POLR3B: variants seen among roughly 807,000 people sequenced by gnomAD.
POLR3B encodes DNA-directed RNA polymerase III subunit RPC2.
In POLR3B, 96 loss-of-function variants were observed where a neutral mutation model predicts 147.4. The ratio of observed to expected loss-of-function variants is 0.65; its 90% CI spans 0.55 to 0.77. The LOEUF (loss-of-function observed/expected upper bound fraction) is 0.77. Ranked by LOEUF, POLR3B falls within the 30% of genes least tolerant of loss-of-function variation. POLR3B has a pLI of 0.00. For missense variants in POLR3B, 1,036 were observed against 1,413.5 expected (o/e 0.73, Z 4.28); for synonymous variants, 461 against 485.9 (o/e 0.95, Z 0.67).
chr12:106,493,827 CT>C (rs2038437861), intron 23 of POLR3B, among the ~76,000 whole-genome samples: 1 of 152,168 alleles, frequency 6.6e-6, no homozygotes, highest in Admixed American at 6.5e-5. Flanking sequence ...TTATCATTCA[CT>C]TTCACACAAA....
chr12:106,388,539 A>T (rs1254190410), intron 9 of POLR3B, among the ~76,000 whole-genome samples: 1 of 152,034 alleles, frequency 6.6e-6, no homozygotes, highest in Admixed American at 6.5e-5. Flanking sequence ...GATGGTCTTG[A>T]TCTCCTGACC....
At chr12:106,449,177 C>G (rs943682216) in intron 19 of POLR3B, among the ~76,000 whole-genome samples, 1 of 152,174 alleles carries the variant, frequency 6.6e-6, no homozygotes, top group African/African-American at 2.4e-5. Context: ...ACACTTTATA[C>G]GCATAGCCTA....
intron 13 of POLR3B, among the ~76,000 whole-genome samples, chr12:106,428,296 T>C (rs899799578): frequency 6.6e-6 from 1 of 152,192 alleles, no homozygotes; most frequent in Admixed American, 6.5e-5. Context: ...AAAAGAGCTA[T>C]TTTGAGTAGT....
intron 27 of POLR3B, among the ~76,000 whole-genome samples, chr12:106,507,259 A>T (rs1466792401): frequency 6.6e-6 from 1 of 152,166 alleles, no homozygotes; most frequent in African/African-American, 2.4e-5. Context: ...TGTTCACGTC[A>T]AGTTTCTACC....
At chr12:106,432,542 T>C (rs2037524835) in intron 15 of POLR3B, 62 bp downstream of exon 15, 7 of 1,315,294 alleles carry the variant, frequency 5.3e-6, no homozygotes, top group Non-Finnish European at 7.7e-6. Flanking sequence ...AGGGAATCCA[T>C]TATTATCCTG....
At chr12:106,389,913 A>T (rs1159827338) in intron 9 of POLR3B, among the ~76,000 whole-genome samples, 1 of 152,160 alleles carries the variant, frequency 6.6e-6, no homozygotes, top group East Asian at 1.9e-4. Flanking sequence ...TCTCTTAAAA[A>T]AGTTGGCTGG....
chr12:106,428,858 T>C (rs1349391977), intron 13 of POLR3B, among the ~76,000 whole-genome samples: 19 of 152,196 alleles, frequency 1.2e-4, no homozygotes, highest in Admixed American at 1.2e-3. Flanking sequence ...GTGATCGATC[T>C]TCACTATAAC....
chr12:106,426,508 G>C (rs571720378), intron 12 of POLR3B, among the ~76,000 whole-genome samples: 1 of 151,728 alleles, frequency 6.6e-6, no homozygotes, highest in Admixed American at 6.6e-5. Context: ...GTAGAGACAG[G>C]GTTTCACCAT....
intron 10 of POLR3B, among the ~76,000 whole-genome samples, chr12:106,397,920 G>A (rs1319109968): frequency 3.9e-5 from 6 of 152,226 alleles, no homozygotes; most frequent in Admixed American, 2.0e-4. Flanking sequence ...CAGCGTGAAC[G>A]ACGCACTAAG....
intron 10 of POLR3B, among the ~76,000 whole-genome samples, chr12:106,403,355 G>A (rs1156566974): frequency 2.0e-5 from 3 of 150,254 alleles, no homozygotes; most frequent in Non-Finnish European, 4.5e-5. Flanking sequence ...CTTTTACACT[G>A]TTGGTGGGAC....
chr12:106,440,254 C>T (rs2137012199), intron 18 of POLR3B, among the ~76,000 whole-genome samples: 2 of 152,294 alleles, frequency 1.3e-5, no homozygotes, highest in South Asian at 4.1e-4. Context: ...GGAATCTGAA[C>T]TCTTTTTCAC....
chr12:106,394,305 T>C (rs1483478951), intron 10 of POLR3B, among the ~76,000 whole-genome samples: 1 of 152,214 alleles, frequency 6.6e-6, no homozygotes, highest in Admixed American at 6.5e-5. Context: ...GGAAGGGTGG[T>C]TTGGATTTAG....
chr12:106,481,636 G>A (rs1322678614), intron 23 of POLR3B, among the ~76,000 whole-genome samples: 1 of 152,118 alleles, frequency 6.6e-6, no homozygotes, highest in African/African-American at 2.4e-5. Flanking sequence ...ATTATCTCAT[G>A]CCCACTGATA....
chr12:106,453,026 C>CT (rs770997629), intron 19 of POLR3B, among the ~76,000 whole-genome samples: 2,804 of 135,890 alleles, frequency 0.021, 58 homozygotes, highest in African/African-American at 0.045. Context: ...TTCTTTTCTT[C>CT]TTTTTTTTTT....
At chr12:106,376,046 A>G (rs972843775) in intron 6 of POLR3B, among the ~76,000 whole-genome samples, 5 of 152,072 alleles carry the variant, frequency 3.3e-5, no homozygotes, top group Non-Finnish European at 7.3e-5. Context: ...GAGTTCCACC[A>G]TGTTGGCCAG....
chr12:106,387,446 A>C (rs1010171343), intron 9 of POLR3B, among the ~76,000 whole-genome samples: 1 of 152,138 alleles, frequency 6.6e-6, no homozygotes, highest in African/African-American at 2.4e-5. Flanking sequence ...GTAAGACTTT[A>C]TTCCTGAGAG....
chr12:106,390,716 AAG>A (rs1477371713), intron 9 of POLR3B, among the ~76,000 whole-genome samples: 3 of 151,940 alleles, frequency 2.0e-5, no homozygotes, highest in African/African-American at 7.3e-5. Context: ...AAAAAAAAAA[AAG>A]AACAAAATAA....
intron 8 of POLR3B, among the ~76,000 whole-genome samples, chr12:106,379,511 T>C (rs912413258): frequency 2.0e-4 from 31 of 152,212 alleles, no homozygotes; most frequent in Non-Finnish European, 5.9e-5. Flanking sequence ...TGATTAGAGC[T>C]TTTAAAATGC....
At chr12:106,486,158 A>G (rs754799764) in intron 23 of POLR3B, among the ~76,000 whole-genome samples, 4 of 151,922 alleles carry the variant, frequency 2.6e-5, no homozygotes, top group Non-Finnish European at 1.5e-5. Flanking sequence ...GCGTGATGGC[A>G]GGTGCCTGTA....
Sources: gnomAD v4.1 joint callset for allele counts (sites outside exome capture counted in the v4.1 genomes callset) on GRCh38, gnomAD v4.1.1 for gene constraint, MANE v1.5 for transcripts, NCBI Gene and HGNC (gene_info 2026-07-23, HGNC 2026-07-21) for gene names.